Variants in ABCG1 observed in about 807,000 individuals in gnomAD.
ABCG1 encodes ATP binding cassette subfamily G member 1.
A neutral mutation model predicts 69.2 loss-of-function variants in ABCG1; 29 were observed. That is an observed-to-expected ratio of 0.42 (90% CI 0.31 to 0.57). ABCG1 has a LOEUF of 0.57. ABCG1 is among the 20% of genes least tolerant of loss of function. The probability of loss-of-function intolerance (pLI) is 0.15; values close to 1 mark genes in which losing one functional copy is unlikely to be tolerated. For missense variants in ABCG1, 718 were observed against 898.1 expected, an observed-to-expected ratio of 0.80 and a Z score of 2.56; for synonymous variants, 370 against 374.8, an observed-to-expected ratio of 0.99 and a Z score of 0.15.
chr21:42,215,724 G>A (rs950457987), upstream of ABCG1, among the ~76,000 whole-genome samples: 1 of 152,342 alleles, frequency 6.6e-6, no homozygotes, highest in East Asian at 1.9e-4. Context: ...GGGGGCATCT[G>A]GTCCAGAGAA....
intron 2 of ABCG1, among the ~76,000 whole-genome samples, chr21:42,261,211 C>T (rs981866160): frequency 6.6e-6 from 1 of 151,592 alleles, no homozygotes; most frequent in Admixed American, 6.5e-5. Context: ...CCACCACCCC[C>T]CCTCTCCCGC....
Position 42,288,106 on chromosome 21 carries a change from C to G in ABCG1, c.1122+69C>G. 6.2e-7 allele frequency: 1 copy of G among 1,606,694 alleles called. No individual in the cohort carries two copies. Among genetic ancestry groups the G allele is most frequent in the Non-Finnish European group, 8.5e-7 (1 of 1,173,926 alleles). On this transcript the variant is annotated intron_variant, in intron 9 of 14. Coordinates refer to ENST00000398449, the MANE Select transcript of ABCG1 (RefSeq NM_016818.3). The surrounding 1 kb of genome is among the most constrained non-coding windows in gnomAD (Gnocchi z 4.8). ...AAATCCCGAAGCCCCCTGGGGGAGG[C>G]TGCACGTGGCACCGTGCACTGCTGC...
At chr21:42,212,923 G>C (rs1199994629), upstream of ABCG1, among the ~76,000 whole-genome samples, 1 of 152,166 alleles carries the variant, frequency 6.6e-6, no homozygotes, top group Non-Finnish European at 1.5e-5. Context: ...TCGATCTCCT[G>C]ACCTCGTGAT....
At chr21:42,253,305 G>A (rs2068252210) in intron 2 of ABCG1, among the ~76,000 whole-genome samples, 1 of 152,208 alleles carries the variant, frequency 6.6e-6, no homozygotes, top group African/African-American at 2.4e-5. Flanking sequence ...AAGCAGACCA[G>A]AGATGAGCCG....
At chr21:42,267,501 G>A (rs150880621) in intron 2 of ABCG1, among the ~76,000 whole-genome samples, 2,696 of 150,756 alleles carry the variant, frequency 0.018, 37 homozygotes, top group Middle Eastern at 0.056. Flanking sequence ...TTCTGTCTGG[G>A]TGTGGTCTGA....
At chr21:42,265,826 G>T (rs2068494601) in intron 2 of ABCG1, among the ~76,000 whole-genome samples, 1 of 152,214 alleles carries the variant, frequency 6.6e-6, no homozygotes, top group African/African-American at 2.4e-5. Context: ...TCTACAGTCA[G>T]TGGTGTCCTG....
intron 1 of ABCG1, among the ~76,000 whole-genome samples, chr21:42,220,952 A>C (rs768590450): frequency 8.5e-5 from 13 of 152,324 alleles, no homozygotes; most frequent in Middle Eastern, 3.4e-3. Context: ...CATGTGGAAA[A>C]ATAATGAATC....
At chr21:42,265,587 C>T (rs1416305101) in intron 2 of ABCG1, among the ~76,000 whole-genome samples, 1 of 152,300 alleles carries the variant, frequency 6.6e-6, no homozygotes, top group South Asian at 2.1e-4. Flanking sequence ...CCTCCCCTAG[C>T]ACGTTCAGGG....
chr21:42,215,307 C>T (rs376943563), upstream of ABCG1, among the ~76,000 whole-genome samples: 41 of 152,370 alleles, frequency 2.7e-4, no homozygotes, highest in East Asian at 3.1e-3. Flanking sequence ...AGGATCCTCA[C>T]GCCAGAGGCC....
At chr21:42,267,458 T>A (rs2068526956) in intron 2 of ABCG1, among the ~76,000 whole-genome samples, 1 of 151,170 alleles carries the variant, frequency 6.6e-6, no homozygotes, top group South Asian at 2.1e-4. Context: ...TCTGTCTGGG[T>A]CTGGTCTGGG....
At chr21:42,223,762 A>G (rs1472798584) in intron 1 of ABCG1, among the ~76,000 whole-genome samples, 1 of 152,198 alleles carries the variant, frequency 6.6e-6, no homozygotes, top group African/African-American at 2.4e-5. Flanking sequence ...TGAGTGAGTG[A>G]GCAGATAGTG....
At chr21:42,256,243 G>A (rs1033379147) in intron 2 of ABCG1, 1 of 1,473,178 alleles carries the variant, frequency 6.8e-7, no homozygotes, top group African/African-American at 1.4e-5. Context: ...TGCTAGCAGT[G>A]CAACAGACAG....
upstream of ABCG1, among the ~76,000 whole-genome samples, chr21:42,218,333 T>C (rs894777081): frequency 6.6e-6 from 1 of 152,152 alleles, no homozygotes; most frequent in South Asian, 2.1e-4. Flanking sequence ...GCCCCACTTA[T>C]ATATAATAAG....
intron 2 of ABCG1, among the ~76,000 whole-genome samples, chr21:42,251,898 G>A (rs539690236): frequency 2.0e-5 from 3 of 152,354 alleles, no homozygotes; most frequent in Non-Finnish European, 4.4e-5. Context: ...GCACAGAGCC[G>A]AGGCCCAAGG....
At chr21:42,284,290 C>CT (rs983231954) in intron 6 of ABCG1, among the ~76,000 whole-genome samples, 1 of 152,208 alleles carries the variant, frequency 6.6e-6, no homozygotes, top group African/African-American at 2.4e-5. Context: ...TGGGGACCCC[C>CT]CCCCAGTCCT....
At chr21:42,274,669 T>C (rs995010404) in intron 4 of ABCG1, among the ~76,000 whole-genome samples, 1 of 152,044 alleles carries the variant, frequency 6.6e-6, no homozygotes, top group African/African-American at 2.4e-5. Flanking sequence ...GAGATGGGGT[T>C]TCACTATGTT....
chr21:42,216,070 T>C, upstream of ABCG1: 1 of 436,152 alleles, frequency 2.3e-6, no homozygotes, highest in Non-Finnish European at 4.6e-6. Flanking sequence ...TCTCATGAGA[T>C]CTGATGGCTT....
intron 2 of ABCG1, chr21:42,206,849 A>C (rs1362948303): frequency 6.7e-6 from 1 of 149,040 alleles, no homozygotes; most frequent in African/African-American, 2.4e-5. Flanking sequence ...TTTATCTGAG[A>C]ATATCTTGAT....
chr21:42,295,356 A>T (rs1484764817), intron 14 of ABCG1: 2 of 132,724 alleles, frequency 1.5e-5, no homozygotes, highest in Admixed American at 7.0e-5. Flanking sequence ...AAAAAAAAAA[A>T]AAAAAAAAAA....
Sources: allele counts gnomAD v4.1 joint callset (sites outside exome capture counted in the v4.1 genomes callset), GRCh38; gene constraint gnomAD v4.1.1; non-coding constraint Gnocchi (gnomAD v3.1); transcripts MANE v1.5; gene names NCBI Gene and HGNC (gene_info 2026-07-23, HGNC 2026-07-21).